Variants in WDR5 observed in about 807,000 individuals in gnomAD.
The protein encoded by WDR5 is WD repeat-containing protein 5.
For missense variants in WDR5, 187 were observed against 416.9 expected, an observed-to-expected ratio of 0.45 and a Z score of 4.80; for synonymous variants, 144 against 161.6, an observed-to-expected ratio of 0.89 and a Z score of 0.83.
chr9:134,137,125 C>CAGGGACTG (rs1246578971), intron 1 of WDR5, among the ~76,000 whole-genome samples: 1 of 152,146 alleles, frequency 6.6e-6, no homozygotes, highest in Non-Finnish European at 1.5e-5. Flanking sequence ...GGCTCCACCT[C>CAGGGACTG]AGGGACTGAG....
At chr9:134,142,545 G>A in intron 6 of WDR5, 91 bp from the exon 7 acceptor site, 1 of 1,554,194 alleles carries the variant, frequency 6.4e-7, no homozygotes, top group Non-Finnish European at 8.9e-7. Flanking sequence ...TGCTGTTTGT[G>A]GGGAGGATGG....
At chr9:134,142,069 G>C (rs1248820479) in intron 5 of WDR5, 31 bp downstream of exon 5, 1 of 1,605,870 alleles carries the variant, frequency 6.2e-7, no homozygotes, top group African/African-American at 1.3e-5. Context: ...CTCTCCAGGG[G>C]AGACCGGCTG....
rs535060163 is a variant in WDR5, at chr9:134,146,177, C to T, written c.529-2111C>T. ...AGAGATGGGGTTTCACCGTGTTAGC[C>T]GGGATGGTCTCGATCTCCTGACCTC... is the stretch of plus-strand genomic sequence containing the variant. On this transcript the variant is annotated intron_variant, in intron 7 of 13. Transcript: ENST00000358625. 4.1e-4 allele frequency among the ~76,000 whole-genome samples: 62 copies of T among 151,146 alleles called. No individual in the cohort carries two copies. The East Asian group carries it at 9.7e-3, about 24-fold the overall frequency.
rs188642894 is a variant in WDR5, at chr9:134,152,388, G to A, written c.631+359G>A. Among the ~76,000 whole-genome samples, 41 of 152,272 alleles carry A rather than the reference G, an allele frequency of 2.7e-4. 1 individual carries two copies. The highest frequency in any genetic ancestry group is 5.1e-4 in the Non-Finnish European group (35 of 68,016). On this transcript the variant is annotated intron_variant, in intron 9 of 13. Transcript: ENST00000358625. Reference sequence around the variant, plus strand: ...CTCTTGGATCATTCCTTGAGTGACCGGCTGAGTGCCTGCCCATCTGCTGGG... The same window carrying A: ...CTCTTGGATCATTCCTTGAGTGACCAGCTGAGTGCCTGCCCATCTGCTGGG...
chr9:134,136,943 A>T (rs1011275596), intron 1 of WDR5, among the ~76,000 whole-genome samples: 1 of 152,142 alleles, frequency 6.6e-6, no homozygotes, highest in Admixed American at 6.5e-5. Flanking sequence ...GCCGGTGGGG[A>T]AGACAGGAAA....
intron 9 of WDR5, 133 bp downstream of exon 9, chr9:134,152,162 G>T: frequency 6.7e-6 from 7 of 1,039,370 alleles, no homozygotes; most frequent in Non-Finnish European, 6.9e-6. Context: ...ACCTTCCTCC[G>T]TGTCCGACCG....
At chr9:134,148,262 CTCT>C (rs1832314166) in intron 7 of WDR5, 23 bp from the exon 8 acceptor site, 7 of 1,314,664 alleles carry the variant, frequency 5.3e-6, no homozygotes, top group Non-Finnish European at 7.0e-6. Flanking sequence ...AAGTTTTTGT[CTCT>C]TCTTCCTCTC....
intron 8 of WDR5, among the ~76,000 whole-genome samples, chr9:134,151,029 G>A (rs1832460664): frequency 6.6e-6 from 1 of 152,194 alleles, no homozygotes; most frequent in Non-Finnish European, 1.5e-5. Flanking sequence ...GGTCTTGAGG[G>A]TTAGGAGATG....
chr9:134,143,955 C>T (rs1004185300), intron 7 of WDR5, among the ~76,000 whole-genome samples: 2 of 152,196 alleles, frequency 1.3e-5, no homozygotes, highest in African/African-American at 4.8e-5. Flanking sequence ...GTTTCTTGGC[C>T]AATCCTGCCC....
At chr9:134,156,073 G>T (rs1344580939) in intron 12 of WDR5, among the ~76,000 whole-genome samples, 2 of 152,250 alleles carry the variant, frequency 1.3e-5, no homozygotes, top group Non-Finnish European at 1.5e-5. Flanking sequence ...CCCTGGGTGG[G>T]TGCGCTGGCT....
chr9:134,137,891 G>A (rs1338601530), intron 1 of WDR5, among the ~76,000 whole-genome samples: 1 of 151,828 alleles, frequency 6.6e-6, no homozygotes, highest in African/African-American at 2.4e-5. Flanking sequence ...TACAGGGACC[G>A]ACCACCACAC....
Position 134,139,903 on chromosome 9 carries a change from A to G in WDR5, c.26A>G (p.Glu9Gly), listed in dbSNP as rs1255661993. 1 of 1,613,474 alleles carries G rather than the reference A, an allele frequency of 6.2e-7. No homozygotes were observed. Among genetic ancestry groups the G allele is most frequent in the Admixed American group, 1.7e-5 (1 of 60,008 alleles). The change falls in exon 2 of 14, where the codon GAG becomes GGG. Residue 9 changes from glutamate (E) to glycine (G), a missense_variant. Transcript: ENST00000358625. ...ATGGCGACGGAGGAGAAGAAGCCCG[A>G]GACCGAGGCCGCCAGAGCACAGCCA... MATEEKKPETEAARAQPTP... is the reference protein window; with the variant it reads MATEEKKPGTEAARAQPTP...
At chr9:134,140,028 A>G (rs1441776046) in intron 2 of WDR5, 70 bp downstream of exon 2, 4 of 1,533,232 alleles carry the variant, frequency 2.6e-6, no homozygotes, top group Non-Finnish European at 2.7e-6. Flanking sequence ...GAAACATCTC[A>G]AGCTCATAAG....
chr9:134,149,106 C>T (rs1213955816), intron 8 of WDR5, among the ~76,000 whole-genome samples: 1 of 152,200 alleles, frequency 6.6e-6, no homozygotes, highest in Non-Finnish European at 1.5e-5. Flanking sequence ...GACACGCACA[C>T]TCGAAATCTG....
chr9:134,141,971 C>T lies in WDR5; in HGVS notation c.287C>T (p.Ser96Leu). The T allele has an allele frequency of 6.2e-7, 1 of 1,614,168 alleles. No homozygotes were observed. Among genetic ancestry groups the T allele is most frequent in the Non-Finnish European group, 8.5e-7 (1 of 1,180,036 alleles). ...HKLGISDVAW[S>L]SDSNLLVSAS... ...AAGGGAATATCCGATGTAGCCTGGT[C>T]GTCAGATTCTAACCTTCTTGTTTCT... Residue 96 changes from serine to leucine, a missense_variant, in exon 5 of 14, where the codon TCG (serine) becomes TTG (leucine). Physicochemically the swap from Ser to Leu is moderately radical, Grantham distance 145. Transcript: ENST00000358625.
intron 1 of WDR5, among the ~76,000 whole-genome samples, chr9:134,137,637 T>G (rs1831633344): frequency 7.2e-6 from 1 of 139,474 alleles, no homozygotes; most frequent in African/African-American, 2.7e-5. Context: ...TGAGCCCAGA[T>G]CGTGCACCTG....
chr9:134,135,387 G>C (rs1257351106), upstream of WDR5: 1 of 152,238 alleles, frequency 6.6e-6, no homozygotes, highest in African/African-American at 2.4e-5. Context: ...ACTGCGGAGC[G>C]GGCGCGGGTG....
In WDR5 at chr9:134,138,012, G is replaced by C. The variant is rs111880893; in HGVS notation, c.-58-1808G>C. Among the ~76,000 whole-genome samples, 1,336 of 152,324 alleles carry C rather than the reference G, an allele frequency of 8.8e-3. 18 individuals are homozygous for C. Among genetic ancestry groups the C allele is most frequent in the African/African-American group, 0.03 (1,261 of 41,568 alleles). ...CCACCTCAGCCTCCCAAAGTGCTGA[G>C]ATTACAGGCGTCAGCCACTGTGCCC... On this transcript the variant is annotated intron_variant, in intron 1 of 13. Transcript: ENST00000358625.
chr9:134,155,024 A>G (rs1276332241), intron 10 of WDR5, among the ~76,000 whole-genome samples: 1 of 152,110 alleles, frequency 6.6e-6, no homozygotes, highest in African/African-American at 2.4e-5. Flanking sequence ...CCTGTTCTGG[A>G]TGTTTCCAGA....
Sources: allele counts gnomAD v4.1 joint callset (sites outside exome capture counted in the v4.1 genomes callset), GRCh38; gene constraint gnomAD v4.1.1; transcripts MANE v1.5; gene names NCBI Gene and HGNC (gene_info 2026-07-23, HGNC 2026-07-21).